The following SPNS3 variants were observed in gnomAD, a reference collection of about 807,000 sequenced individuals.
SPNS3 encodes the protein protein spinster homolog 3.
SPNS3 carries 51 observed loss-of-function variants against 54.4 expected under a neutral mutation model. The ratio of observed to expected loss-of-function variants is 0.94; its 90% confidence interval spans 0.75 to 1.18. The LOEUF (loss-of-function observed/expected upper bound fraction) is 1.18, where lower values mean the gene tolerates loss of function less well. Ranked by LOEUF, SPNS3 falls within the 50% of genes most tolerant of loss-of-function variation. The pLI is 0.00. For synonymous variants in SPNS3, 309 were observed against 294.7 expected (o/e 1.05, Z -0.50); for missense variants, 669 against 677.4 (o/e 0.99, Z 0.14).
At chr17:4,485,505 C>T (rs931926544) in intron 9 of SPNS3, among the ~76,000 whole-genome samples, 39 of 151,806 alleles carry the variant, frequency 2.6e-4, no homozygotes, top group African/African-American at 9.2e-4. Context: ...TCAAGCAATT[C>T]TCCTGCCTCA....
chr17:4,464,941 A>G (rs564663874), intron 8 of SPNS3, among the ~76,000 whole-genome samples: 1 of 152,312 alleles, frequency 6.6e-6, no homozygotes, highest in African/African-American at 2.4e-5. Flanking sequence ...TCGGCCTCCC[A>G]GAGTGCTGGG....
intron 2 of SPNS3, 69 bp downstream of exon 2, chr17:4,439,792 C>A: frequency 7.0e-7 from 1 of 1,432,152 alleles, no homozygotes; most frequent in Non-Finnish European, 9.6e-7. Context: ...TTCTGTGGGT[C>A]ATGTTCTGTG....
intron 8 of SPNS3, among the ~76,000 whole-genome samples, chr17:4,454,085 C>A (rs1384719176): frequency 1.3e-5 from 2 of 152,184 alleles, no homozygotes; most frequent in Non-Finnish European, 2.9e-5. Context: ...CCGCTTCCTC[C>A]AAAAGCCTTC....
intron 7 of SPNS3, among the ~76,000 whole-genome samples, chr17:4,451,954 C>A (rs1013781861): frequency 7.9e-5 from 12 of 151,816 alleles, no homozygotes; most frequent in Non-Finnish European, 1.3e-4. Flanking sequence ...GCTGGGATTA[C>A]AAGCTTAAGC....
At chr17:4,477,970 C>CTTTTTTTTTTTTTTTTTTTTTTTT (rs397837193) in intron 8 of SPNS3, among the ~76,000 whole-genome samples, 1 of 97,620 alleles carries the variant, frequency 1.0e-5, no homozygotes, top group African/African-American at 4.6e-5. Flanking sequence ...TTCACTTTTC[C>CTTTTTTTTTTTTTTTTTTTTTTTT]TTTTTTTTTT....
intron 2 of SPNS3, among the ~76,000 whole-genome samples, chr17:4,444,592 T>C (rs7221723): frequency 0.063 from 9,519 of 152,226 alleles, 347 homozygotes; most frequent in Middle Eastern, 0.095. Context: ...CCTCTTTCCC[T>C]GCTCCCCGTT....
intron 1 of SPNS3, among the ~76,000 whole-genome samples, chr17:4,436,429 C>CA (rs547714364): frequency 1.1e-4 from 17 of 152,146 alleles, no homozygotes; most frequent in African/African-American, 4.1e-4. Context: ...CTTGTCTCTA[C>CA]AAAAAATTTA....
chr17:4,459,190 G>A (rs1322663656), intron 8 of SPNS3, among the ~76,000 whole-genome samples: 4 of 151,980 alleles, frequency 2.6e-5, no homozygotes, highest in South Asian at 2.1e-4. Flanking sequence ...AGTTACGTAC[G>A]TTCTGACTCC....
intron 8 of SPNS3, among the ~76,000 whole-genome samples, chr17:4,459,833 A>G (rs374907369): frequency 6.6e-6 from 1 of 152,132 alleles, no homozygotes; most frequent in Non-Finnish European, 1.5e-5. Flanking sequence ...AACAAGATAT[A>G]TAAGTATTGT....
intron 1 of SPNS3, among the ~76,000 whole-genome samples, chr17:4,435,422 C>T (rs558508104): frequency 6.6e-4 from 90 of 136,102 alleles, no homozygotes; most frequent in African/African-American, 2.5e-3. Context: ...GTCTGGGCGA[C>T]AGAGCAAGGC....
intron 8 of SPNS3, among the ~76,000 whole-genome samples, chr17:4,470,630 GC>G (rs1039551332): frequency 6.6e-6 from 1 of 151,990 alleles, no homozygotes; most frequent in African/African-American, 2.4e-5. Context: ...CCCAGCCCGG[GC>G]CCTAGGCAGC....
chr17:4,469,640 A>AT (rs58439504), intron 8 of SPNS3, among the ~76,000 whole-genome samples: 1 of 150,216 alleles, frequency 6.7e-6, no homozygotes, highest in Non-Finnish European at 1.5e-5. Context: ...AAAAAAAAAA[A>AT]GCAATTGGAT....
At chr17:4,462,143 A>C (rs1971525520) in intron 8 of SPNS3, among the ~76,000 whole-genome samples, 2 of 560 alleles carry the variant, frequency 3.6e-3, no homozygotes, top group African/African-American at 7.9e-3. Flanking sequence ...CCATCCATCC[A>C]TCCATCCATC....
chr17:4,460,643 C>T (rs1322261969), intron 8 of SPNS3, among the ~76,000 whole-genome samples: 1 of 150,258 alleles, frequency 6.7e-6, no homozygotes, highest in African/African-American at 2.5e-5. Flanking sequence ...GGGGTTTCAC[C>T]TTGTTAGCCA....
chr17:4,479,104 G>A (rs963923796), intron 9 of SPNS3, among the ~76,000 whole-genome samples: 5 of 151,888 alleles, frequency 3.3e-5, no homozygotes, highest in African/African-American at 1.2e-4. Context: ...CACCATGCCC[G>A]GCTAATTTTG....
At chr17:4,487,677 G>A in intron 11 of SPNS3, 129 bp from the exon 12 acceptor site, 2 of 816,156 alleles carry the variant, frequency 2.5e-6, no homozygotes, top group Non-Finnish European at 4.1e-6. Flanking sequence ...GATGACAAGG[G>A]GTTGGATCTG....
intron 8 of SPNS3, among the ~76,000 whole-genome samples, chr17:4,458,308 C>CTTTAT (rs1971369430): frequency 6.6e-6 from 1 of 152,016 alleles, no homozygotes; most frequent in South Asian, 2.1e-4. Context: ...CTTGCTTTTT[C>CTTTAT]TTTCTTTTCT....
chr17:4,445,940 TG>T, intron 3 of SPNS3, 107 bp from the exon 4 acceptor site: 1 of 1,311,562 alleles, frequency 7.6e-7, no homozygotes, highest in Non-Finnish European at 1.0e-6. Flanking sequence ...CTCCCTACTC[TG>T]GGGTCCTGTG....
At chr17:4,444,546 C>G (rs1445386505) in intron 2 of SPNS3, among the ~76,000 whole-genome samples, 1 of 152,036 alleles carries the variant, frequency 6.6e-6, no homozygotes, top group Non-Finnish European at 1.5e-5. Flanking sequence ...CTAAAGCGTC[C>G]TCATCTGCTG....
Sources: gnomAD v4.1 joint callset for allele counts (sites outside exome capture counted in the v4.1 genomes callset) on GRCh38, gnomAD v4.1.1 for gene constraint, MANE v1.5 for transcripts, NCBI Gene and HGNC (gene_info 2026-07-23, HGNC 2026-07-21) for gene names.